FAM53A: variants seen among roughly 807,000 people sequenced by gnomAD.
FAM53A encodes the protein family with sequence similarity 53 member A.
In FAM53A, 28 loss-of-function variants were observed where a neutral mutation model predicts 26.6. The ratio of observed to expected loss-of-function variants is 1.05; its 90% CI spans 0.78 to 1.45. FAM53A has a LOEUF of 1.45. Among genes scored for constraint, FAM53A ranks in the 40% most tolerant of loss-of-function variants. FAM53A has a pLI of 0.00. For synonymous variants in FAM53A, 290 were observed against 253.1 expected, an observed-to-expected ratio of 1.15 and a Z score of -1.38; for missense variants, 650 against 575.8, an observed-to-expected ratio of 1.13 and a Z score of -1.32.
At chr4:1,623,436 C>G (rs1296292864) in intron 1 of FAM53A, among the ~76,000 whole-genome samples, 1 of 151,930 alleles carries the variant, frequency 6.6e-6, no homozygotes, top group Non-Finnish European at 1.5e-5. Context: ...TGGCCACGGT[C>G]TCAGGCCACC....
At chr4:1,594,097 C>G in the FAM53A span, among the ~76,000 whole-genome samples, 14 of 152,048 alleles carry the variant, frequency 9.2e-5, no homozygotes, top group Admixed American at 6.5e-4. Flanking sequence ...CAGGTCCCCC[C>G]AGGCTGCCAG....
In FAM53A at chr4:1,624,453, C is replaced by T. The variant is rs534602231; in HGVS notation, c.432-6342G>A. On this transcript the variant is annotated intron_variant, in intron 1 of 1. Coordinates refer to the FAM53A transcript ENST00000489029. The stretch of plus-strand genomic sequence containing the variant: ...ACAAATGTGACAGTGCGGAGGCTGA[C>T]GGGTCATCCAGGAGTGAGACGGAGA... 2.5e-3 allele frequency among the ~76,000 whole-genome samples: 383 copies of T among 152,266 alleles called. 2 individuals are homozygous for T. The highest frequency in any genetic ancestry group is 0.01 in the Middle Eastern group (3 of 294).
chr4:1,652,778 G>C, intron 4 of FAM53A, among the ~76,000 whole-genome samples: 1 of 110,732 alleles, frequency 9.0e-6, no homozygotes, highest in Non-Finnish European at 1.8e-5. Context: ...ACACCACACA[G>C]CACACACCAA....
chr4:1,606,230 A>G, the FAM53A span, among the ~76,000 whole-genome samples: 1 of 150,422 alleles, frequency 6.6e-6, no homozygotes, highest in Admixed American at 6.6e-5. Flanking sequence ...TATTTTTAGT[A>G]GAGACAGGGT....
chr4:1,682,713 T>C (rs1207048919), intron 1 of FAM53A, among the ~76,000 whole-genome samples: 1 of 152,000 alleles, frequency 6.6e-6, no homozygotes, highest in Admixed American at 6.6e-5. Flanking sequence ...CATCATTGCA[T>C]GTGAGCAACT....
chr4:1,636,356 A>T (rs969560898), downstream of FAM53A, among the ~76,000 whole-genome samples: 5 of 152,152 alleles, frequency 3.3e-5, no homozygotes, highest in African/African-American at 1.2e-4. Flanking sequence ...TTGACCGATT[A>T]ACCACCAAGA....
chr4:1,601,626 C>T, the FAM53A span, among the ~76,000 whole-genome samples: 4 of 111,396 alleles, frequency 3.6e-5, 1 homozygote, highest in Non-Finnish European at 8.7e-5. Context: ...CTGCCATGCA[C>T]CCCATCTGCC....
chr4:1,615,931 T>C (rs898754732), downstream of FAM53A, among the ~76,000 whole-genome samples: 5 of 152,144 alleles, frequency 3.3e-5, no homozygotes, highest in Non-Finnish European at 7.4e-5. Flanking sequence ...GATGGCGATG[T>C]TTCAGAGACA....
chr4:1,593,897 A>T, the FAM53A span, among the ~76,000 whole-genome samples: 11 of 152,226 alleles, frequency 7.2e-5, no homozygotes, highest in Non-Finnish European at 1.5e-4. Flanking sequence ...TAAATTTAGA[A>T]CACAAAGGAC....
intron 1 of FAM53A, among the ~76,000 whole-genome samples, chr4:1,618,986 C>T (rs1247380150): frequency 6.6e-6 from 1 of 152,232 alleles, no homozygotes; most frequent in African/African-American, 2.4e-5. Flanking sequence ...CGCTGCTCCA[C>T]GCTGCCAACA....
At chr4:1,672,914 C>G (rs144699149) in intron 1 of FAM53A, among the ~76,000 whole-genome samples, 1,727 of 151,996 alleles carry the variant, frequency 0.011, 33 homozygotes, top group African/African-American at 0.04. Flanking sequence ...GGATTACAGG[C>G]ACACACTACC....
the FAM53A span, among the ~76,000 whole-genome samples, chr4:1,604,346 C>A: frequency 1.3e-5 from 2 of 152,090 alleles, no homozygotes; most frequent in Admixed American, 1.3e-4. Context: ...TGGCTGCCTA[C>A]GCAGGTTGGG....
the FAM53A span, among the ~76,000 whole-genome samples, chr4:1,580,557 CA>C: frequency 6.7e-6 from 1 of 150,354 alleles, no homozygotes; most frequent in East Asian, 2.0e-4. Context: ...AGCCGGGCCC[CA>C]CCTCCCGCCC....
At chr4:1,671,747 G>A (rs1245168638) in intron 1 of FAM53A, among the ~76,000 whole-genome samples, 3 of 152,224 alleles carry the variant, frequency 2.0e-5, no homozygotes, top group Non-Finnish European at 2.9e-5. Flanking sequence ...CCTTCACACC[G>A]TGCACCACGA....
chr4:1,593,363 C>T, the FAM53A span, among the ~76,000 whole-genome samples: 11 of 151,952 alleles, frequency 7.2e-5, no homozygotes, highest in Admixed American at 6.5e-4. Context: ...ACGCCAGGGC[C>T]CCTCCGAGTA....
chr4:1,644,440 A>T (rs1712055340), intron 4 of FAM53A: 25 of 1,401,788 alleles, frequency 1.8e-5, no homozygotes, highest in Non-Finnish European at 2.4e-5. Context: ...TGTACAGCTC[A>T]GCGCCCAACA....
At chr4:1,576,425 C>G in the FAM53A span, among the ~76,000 whole-genome samples, 8,482 of 152,288 alleles carry the variant, frequency 0.056, 808 homozygotes, top group African/African-American at 0.19. Context: ...CAGCTGCCTG[C>G]AGCACAGCGA....
intron 1 of FAM53A, among the ~76,000 whole-genome samples, chr4:1,674,848 A>G (rs904581419): frequency 1.3e-5 from 2 of 152,182 alleles, no homozygotes; most frequent in African/African-American, 4.8e-5. Context: ...AGCACCAGTC[A>G]CGAGGCATGA....
intron 4 of FAM53A, among the ~76,000 whole-genome samples, chr4:1,649,195 G>GGGAAGT (rs1712529285): frequency 1.3e-5 from 2 of 149,380 alleles, no homozygotes; most frequent in Non-Finnish European, 3.0e-5. Context: ...GAAGGGGAAG[G>GGGAAGT]GGAAAGGGAA....
Sources: gnomAD v4.1 joint callset for allele counts (sites outside exome capture counted in the v4.1 genomes callset) on GRCh38, gnomAD v4.1.1 for gene constraint, MANE v1.5 for transcripts, NCBI Gene and HGNC (gene_info 2026-07-23, HGNC 2026-07-21) for gene names.